The following MAPRE2 variants were observed in gnomAD, a reference collection of about 807,000 sequenced individuals.
MAPRE2 encodes microtubule-associated protein RP/EB family member 2.
In MAPRE2, 13 loss-of-function variants were observed where a neutral mutation model predicts 43.2. That is an observed-to-expected ratio of 0.30 (90% CI 0.20 to 0.48). The LOEUF is 0.48. MAPRE2 is among the 20% of genes least tolerant of loss of function. MAPRE2 has a pLI of 0.99. For missense variants in MAPRE2, 161 were observed against 400.2 expected, an observed-to-expected ratio of 0.40 and a Z score of 5.10; for synonymous variants, 135 against 148.8, an observed-to-expected ratio of 0.91 and a Z score of 0.68.
At chr18:35,016,891 A>T (rs2120326) in intron 2 of MAPRE2, among the ~76,000 whole-genome samples, 241 of 152,142 alleles carry the variant, frequency 1.6e-3, no homozygotes, top group African/African-American at 5.5e-3. Context: ...GTCAATGTCC[A>T]GAATGGTGTT....
intron 1 of MAPRE2, among the ~76,000 whole-genome samples, chr18:34,998,289 C>T (rs1044770931): frequency 3.3e-5 from 5 of 150,262 alleles, no homozygotes; most frequent in African/African-American, 1.2e-4. Flanking sequence ...CAGGTCTCTA[C>T]AAGTCCCATT....
chr18:35,074,508 C>G (rs1313485935), intron 2 of MAPRE2, among the ~76,000 whole-genome samples: 5 of 152,124 alleles, frequency 3.3e-5, no homozygotes, highest in Admixed American at 1.3e-4. Flanking sequence ...GAAAGTACAT[C>G]TTTTCCTTGA....
chr18:35,121,613 A>C (rs1018586417), intron 4 of MAPRE2, among the ~76,000 whole-genome samples: 1 of 152,200 alleles, frequency 6.6e-6, no homozygotes. Context: ...AAAAATTTGA[A>C]ATGTTTGAAT....
intron 2 of MAPRE2, among the ~76,000 whole-genome samples, chr18:35,096,004 G>A (rs535125121): frequency 1.1e-4 from 17 of 152,180 alleles, no homozygotes; most frequent in African/African-American, 3.6e-4. Context: ...ATCACTTTAC[G>A]CTCTTACCTA....
chr18:35,139,007 A>T (rs1910509034), intron 6 of MAPRE2, among the ~76,000 whole-genome samples: 1 of 152,168 alleles, frequency 6.6e-6, no homozygotes, highest in Non-Finnish European at 1.5e-5. Context: ...CGAGAATCCG[A>T]TCCCTGACCT....
intron 2 of MAPRE2, among the ~76,000 whole-genome samples, chr18:35,087,953 A>G (rs371989105): frequency 6.6e-6 from 1 of 152,194 alleles, no homozygotes; most frequent in East Asian, 1.9e-4. Context: ...AAGAGACAAT[A>G]GGGGAGAGAA....
intron 1 of MAPRE2, among the ~76,000 whole-genome samples, chr18:35,061,342 G>GA (rs577037613): frequency 6.6e-6 from 1 of 152,060 alleles, no homozygotes; most frequent in Admixed American, 6.5e-5. Context: ...AATTTTGAGA[G>GA]AAAAAAATAG....
chr18:34,989,457 G>T (rs923250151), intron 1 of MAPRE2, among the ~76,000 whole-genome samples: 3 of 152,218 alleles, frequency 2.0e-5, no homozygotes, highest in Middle Eastern at 3.4e-3. Flanking sequence ...TGCCTATAAT[G>T]CCAGCATTTT....
At chr18:35,135,478 GA>G (rs1569017971) in intron 6 of MAPRE2, among the ~76,000 whole-genome samples, 1 of 152,050 alleles carries the variant, frequency 6.6e-6, no homozygotes, top group Non-Finnish European at 1.5e-5. Flanking sequence ...TGAGAATATG[GA>G]ATCTGGTTTC....
At chr18:35,086,191 G>C (rs576100134) in intron 2 of MAPRE2, among the ~76,000 whole-genome samples, 2 of 152,184 alleles carry the variant, frequency 1.3e-5, no homozygotes, top group African/African-American at 2.4e-5. Flanking sequence ...CTGGCTTGAT[G>C]TGTTTTTCCA....
At chr18:35,055,458 G>A (rs1448643085) in intron 1 of MAPRE2, among the ~76,000 whole-genome samples, 2 of 151,848 alleles carry the variant, frequency 1.3e-5, no homozygotes, top group African/African-American at 4.8e-5. Flanking sequence ...AATCATATCT[G>A]CAAAGACCTT....
intron 4 of MAPRE2, among the ~76,000 whole-genome samples, chr18:35,112,836 GTA>G (rs1367005149): frequency 2.6e-5 from 4 of 152,202 alleles, no homozygotes; most frequent in Admixed American, 6.5e-5. Context: ...AGGTAGCTTT[GTA>G]TAAACAACAG....
At chr18:35,057,408 A>G (rs1194295157) in intron 1 of MAPRE2, among the ~76,000 whole-genome samples, 2 of 152,102 alleles carry the variant, frequency 1.3e-5, no homozygotes, top group Non-Finnish European at 2.9e-5. Flanking sequence ...TGAAAATTGT[A>G]GTGATATTAC....
intron 4 of MAPRE2, among the ~76,000 whole-genome samples, chr18:35,120,560 G>C (rs1368386193): frequency 6.6e-6 from 1 of 152,122 alleles, no homozygotes; most frequent in Non-Finnish European, 1.5e-5. Flanking sequence ...GGAAAGACTA[G>C]GTCAATATAA....
Position 35,126,887 on chromosome 18 carries a change from A to G in MAPRE2, c.611-61A>G, listed in dbSNP as rs1301895942. ...GCTCTTTTCATATCATTCATTTTCTATGTATCTAAAACACACTTTTAATAT... is the reference window on the plus strand; with the variant it reads ...GCTCTTTTCATATCATTCATTTTCTGTGTATCTAAAACACACTTTTAATAT... On this transcript the variant is annotated intron_variant, in intron 4 of 6. Coordinates refer to ENST00000300249, the MANE Select transcript of MAPRE2 (RefSeq NM_014268.4). 2.4e-5 allele frequency: 34 copies of G among 1,438,530 alleles called. No homozygotes were observed. In the East Asian group the frequency reaches 3.4e-4, roughly 15 times the overall value. The allele number at this position is 1,438,530 out of a possible 1,614,324, so 89.1% of individuals were successfully genotyped here.
At chr18:35,105,319 G>T (rs761844776) in intron 4 of MAPRE2, among the ~76,000 whole-genome samples, 3 of 152,026 alleles carry the variant, frequency 2.0e-5, no homozygotes, top group Non-Finnish European at 4.4e-5. Flanking sequence ...TACGTTATTG[G>T]TCTTAATCAG....
intron 1 of MAPRE2, among the ~76,000 whole-genome samples, chr18:35,044,919 G>A (rs1166754663): frequency 9.9e-5 from 15 of 152,194 alleles, no homozygotes; most frequent in Admixed American, 9.2e-4. Flanking sequence ...TGTAAACAAA[G>A]CCCATTTTCA....
chr18:35,043,053 T>C (rs923548428), intron 1 of MAPRE2, among the ~76,000 whole-genome samples: 5 of 152,194 alleles, frequency 3.3e-5, no homozygotes, highest in African/African-American at 1.2e-4. Context: ...ACTAATGTGT[T>C]GATATGGCAT....
At chr18:35,116,913 G>T (rs886414469) in intron 4 of MAPRE2, among the ~76,000 whole-genome samples, 3 of 152,104 alleles carry the variant, frequency 2.0e-5, no homozygotes, top group Admixed American at 6.6e-5. Context: ...TTGTCACACC[G>T]AGGTTACACT....
Sources: allele counts gnomAD v4.1 joint callset (sites outside exome capture counted in the v4.1 genomes callset), GRCh38; gene constraint gnomAD v4.1.1; transcripts MANE v1.5; gene names NCBI Gene and HGNC (gene_info 2026-07-23, HGNC 2026-07-21).